The following TENM2 variants were observed in gnomAD, a reference collection of about 807,000 sequenced individuals.
TENM2 encodes teneurin transmembrane protein 2.
Under a neutral mutation model 245.2 loss-of-function variants are expected in TENM2, and 52 were observed. The ratio of observed to expected loss-of-function variants is 0.21; its 90% CI spans 0.17 to 0.27. TENM2 has a LOEUF of 0.27. Ranked by LOEUF, TENM2 falls within the 10% of genes least tolerant of loss-of-function variation. The pLI, the probability that TENM2 is intolerant of heterozygous loss-of-function variation, is 1.00. For synonymous variants in TENM2, 1,363 were observed against 1,438.9 expected (o/e 0.95, Z 1.19); for missense variants, 3,046 against 3,666.8 (o/e 0.83, Z 4.37).
intron 2 of TENM2, among the ~76,000 whole-genome samples, chr5:167,841,008 G>GCTGTC (rs1342686905): frequency 6.6e-6 from 1 of 152,010 alleles, no homozygotes; most frequent in Non-Finnish European, 1.5e-5. Context: ...ATCTAGGCAG[G>GCTGTC]CTGTCCATTC....
chr5:167,872,555 AAAGAAAGAAAGAAAGAAAG>A (rs765846038), intron 2 of TENM2, among the ~76,000 whole-genome samples: 12,282 of 79,040 alleles, frequency 0.16, 1,335 homozygotes, highest in South Asian at 0.27. Flanking sequence ...AAAGAGAAAG[AAAGAAAGAAAGAAAGAAAG>A]AAAGAAAGAG....
the TENM2 span, among the ~76,000 whole-genome samples, chr5:166,997,290 A>G: frequency 6.6e-6 from 1 of 152,252 alleles, no homozygotes; most frequent in Non-Finnish European, 1.5e-5. Context: ...TAAATATTCT[A>G]AGCACTTTAC....
rs552393878 is a variant in TENM2 at position 168,074,538 on chromosome 5, T to A, written c.1515+12273T>A. On this transcript the variant is annotated intron_variant, in intron 7 of 28. Transcript: ENST00000518659. The stretch of plus-strand genomic sequence containing the variant: ...GAAGGACAGCAGCTGTTCTATTCTC[T>A]GCTGTGTCTCCATCACTCACAGCTT... Among the ~76,000 whole-genome samples, 11 of 152,342 alleles carry A rather than the reference T, an allele frequency of 7.2e-5. No homozygotes were observed. In the South Asian group the frequency reaches 2.1e-3, roughly 29 times the overall value.
chr5:167,827,824 T>G (rs1156461166), intron 2 of TENM2, among the ~76,000 whole-genome samples: 1 of 152,142 alleles, frequency 6.6e-6, no homozygotes, highest in Non-Finnish European at 1.5e-5. Flanking sequence ...ACTGGGGTCA[T>G]AGCAAAACTC....
At chr5:167,046,443 A>G in the TENM2 span, among the ~76,000 whole-genome samples, 1 of 152,232 alleles carries the variant, frequency 6.6e-6, no homozygotes, top group Non-Finnish European at 1.5e-5. Flanking sequence ...CTTACTGAAA[A>G]TTACCATCCA....
chr5:167,891,238 A>C (rs536120951), intron 3 of TENM2, among the ~76,000 whole-genome samples: 1 of 152,138 alleles, frequency 6.6e-6, no homozygotes, highest in East Asian at 1.9e-4. Flanking sequence ...CTGCTAATAG[A>C]CAAATTTTGT....
chr5:167,597,880 C>A (rs796166882), intron 2 of TENM2, among the ~76,000 whole-genome samples: 2 of 152,312 alleles, frequency 1.3e-5, no homozygotes, highest in African/African-American at 4.8e-5. Context: ...TATACTGCTT[C>A]CACTGGGCTG....
intron 2 of TENM2, among the ~76,000 whole-genome samples, chr5:167,521,623 A>T (rs529720453): frequency 2.0e-4 from 31 of 152,238 alleles, no homozygotes; most frequent in African/African-American, 7.5e-4. Flanking sequence ...AATCCTTATT[A>T]TTTCATGAAT....
intron 2 of TENM2, among the ~76,000 whole-genome samples, chr5:167,566,524 G>T (rs1287239650): frequency 6.6e-6 from 1 of 152,168 alleles, no homozygotes; most frequent in Admixed American, 6.5e-5. Context: ...TTTTGTGATT[G>T]TCATGGGTAA....
At chr5:168,204,480 G>C in exon 19 of TENM2, 1 of 1,614,034 alleles carries the variant, frequency 6.2e-7, no homozygotes, top group Non-Finnish European at 8.5e-7. Context: ...TGTCCCAGCT[G>C]CAACGGCCTT....
intron 2 of TENM2, among the ~76,000 whole-genome samples, chr5:167,455,894 T>C (rs1384778515): frequency 6.6e-6 from 1 of 152,196 alleles, no homozygotes; most frequent in African/African-American, 2.4e-5. Context: ...AGATTGTCCA[T>C]ATAATAATCT....
At chr5:167,079,368 C>T in the TENM2 span, among the ~76,000 whole-genome samples, 10 of 149,986 alleles carry the variant, frequency 6.7e-5, no homozygotes, top group Non-Finnish European at 1.2e-4. Context: ...GGCTGGAGTG[C>T]AATGGTGTGA....
chr5:168,206,367 G>A (rs1762344535), intron 19 of TENM2, among the ~76,000 whole-genome samples: 1 of 152,248 alleles, frequency 6.6e-6, no homozygotes, highest in Non-Finnish European at 1.5e-5. Context: ...GAGCATGGAG[G>A]CGAGCCAGGC....
intron 3 of TENM2, among the ~76,000 whole-genome samples, chr5:167,884,331 G>T (rs1376671613): frequency 6.6e-6 from 1 of 152,026 alleles, no homozygotes; most frequent in African/African-American, 2.4e-5. Context: ...ACATTGTTAT[G>T]CAACCATCAC....
chr5:167,351,022 TG>T (rs1467030774), intron 1 of TENM2, among the ~76,000 whole-genome samples: 4 of 104,352 alleles, frequency 3.8e-5, no homozygotes, highest in Non-Finnish European at 8.2e-5. Context: ...TATATATATA[TG>T]GGATATATAC....
At chr5:167,636,741 C>T (rs1779231192) in intron 2 of TENM2, among the ~76,000 whole-genome samples, 1 of 152,182 alleles carries the variant, frequency 6.6e-6, no homozygotes, top group East Asian at 1.9e-4. Context: ...GATAGACTGA[C>T]ATTTGATAAG....
the TENM2 span, among the ~76,000 whole-genome samples, chr5:167,252,699 C>T: frequency 3.3e-5 from 5 of 152,002 alleles, no homozygotes; most frequent in Non-Finnish European, 2.9e-5. Flanking sequence ...CAGATGAAGA[C>T]GAGAACCTGA....
the TENM2 span, among the ~76,000 whole-genome samples, chr5:167,010,816 G>C: frequency 5.3e-5 from 8 of 152,284 alleles, no homozygotes; most frequent in Non-Finnish European, 1.0e-4. Context: ...TAGTGGTGAA[G>C]ACCACAGTTT....
At chr5:167,458,452 A>C (rs1310314478) in intron 2 of TENM2, among the ~76,000 whole-genome samples, 1 of 137,780 alleles carries the variant, frequency 7.3e-6, no homozygotes, top group South Asian at 2.5e-4. Flanking sequence ...ATGCAACTGC[A>C]CTCCAGCCTA....
Sources: allele counts gnomAD v4.1 joint callset (sites outside exome capture counted in the v4.1 genomes callset), GRCh38; gene constraint gnomAD v4.1.1; transcripts MANE v1.5; gene names NCBI Gene and HGNC (gene_info 2026-07-23, HGNC 2026-07-21).